Variants in SH3KBP1 observed in about 807,000 individuals in gnomAD.
SH3KBP1 encodes SH3 domain-containing kinase-binding protein 1.
In SH3KBP1, 8 loss-of-function variants were observed where a neutral mutation model predicts 50.1. The observed-to-expected ratio is 0.16, with a 90% CI of 0.09 to 0.29. The LOEUF is 0.29. Ranked by LOEUF, SH3KBP1 falls within the 10% of genes least tolerant of loss-of-function variation. The probability of loss-of-function intolerance (pLI) is 1.00; values close to 1 mark genes in which losing one functional copy is unlikely to be tolerated. For synonymous variants in SH3KBP1, 227 were observed against 218.6 expected, an observed-to-expected ratio of 1.04 and a Z score of -0.34; for missense variants, 377 against 535.2, an observed-to-expected ratio of 0.70 and a Z score of 2.92.
chrX:19,648,218 A>G (rs1464393702), intron 6 of SH3KBP1, among the ~76,000 whole-genome samples: 1 of 109,176 alleles, frequency 9.2e-6, no homozygotes, highest in Admixed American at 9.9e-5. Context: ...GGGGGAGGAT[A>G]GTTGGCCACT....
rs1271812442 is a variant in SH3KBP1, at chrX:19,779,682, GT to G, written c.163-33242del. ...TATGAGTGAGAATATGCAGTGTTTG[GT>G]TTTTTGTTCTTACAATAGTTGACTG... On this transcript the variant is annotated intron_variant, in intron 2 of 17. Coordinates refer to ENST00000397821, the MANE Select transcript of SH3KBP1 (RefSeq NM_031892.3). 2.9e-5 allele frequency among the ~76,000 whole-genome samples: 3 copies of G among 103,937 alleles called. No homozygotes were observed. In the East Asian group the frequency reaches 9.4e-4, roughly 32 times the overall value. The allele number at this position is 103,937 out of a possible 115,157, so 90.3% of individuals were successfully genotyped here. A position where few individuals can be genotyped will look rare whatever the true frequency, so the allele number is the denominator to read the frequency against.
intron 2 of SH3KBP1, among the ~76,000 whole-genome samples, chrX:19,816,511 T>C (rs775979534): frequency 2.7e-5 from 3 of 112,192 alleles, no homozygotes; most frequent in African/African-American, 3.2e-5. Flanking sequence ...CTTTTTTTAT[T>C]TAATAGATTG....
At chrX:19,538,815 C>G (rs1297745491) in intron 16 of SH3KBP1, among the ~76,000 whole-genome samples, 2 of 110,884 alleles carry the variant, frequency 1.8e-5, no homozygotes, top group Admixed American at 9.6e-5. Context: ...CCGAACCCCT[C>G]ACCTCAGGTG....
chrX:19,663,960 C>T (rs1399567258), intron 6 of SH3KBP1, among the ~76,000 whole-genome samples: 2 of 112,011 alleles, frequency 1.8e-5, no homozygotes, highest in African/African-American at 6.5e-5. Flanking sequence ...GTGGTGCACA[C>T]ACACCTGTAG....
At chrX:19,611,194 T>C (rs1205325781) in intron 8 of SH3KBP1, among the ~76,000 whole-genome samples, 2 of 111,133 alleles carry the variant, frequency 1.8e-5, no homozygotes, top group Non-Finnish European at 3.8e-5. Flanking sequence ...GCTCAAACTT[T>C]CTAAACAGTG....
At chrX:19,556,441 T>A (rs189871034) in intron 13 of SH3KBP1, among the ~76,000 whole-genome samples, 59 of 110,842 alleles carry the variant, frequency 5.3e-4, no homozygotes, top group Non-Finnish European at 8.9e-4. Flanking sequence ...GTGTGGAAAA[T>A]CTGTGCAGAC....
intron 1 of SH3KBP1, among the ~76,000 whole-genome samples, chrX:19,868,450 C>G (rs1432220527): frequency 1.8e-5 from 2 of 110,023 alleles, no homozygotes; most frequent in East Asian, 5.9e-4. Context: ...AAAGTCCTCT[C>G]TTCAGCAAAT....
intron 9 of SH3KBP1, among the ~76,000 whole-genome samples, chrX:19,598,875 A>G (rs1172462871): frequency 8.9e-6 from 1 of 112,170 alleles, no homozygotes; most frequent in Non-Finnish European, 1.9e-5. Context: ...AAAAGTTTGA[A>G]ATGTTGTGAG....
intron 6 of SH3KBP1, among the ~76,000 whole-genome samples, chrX:19,676,957 T>C (rs1034317027): frequency 1.5e-4 from 17 of 112,297 alleles, no homozygotes; most frequent in Admixed American, 1.9e-4. Flanking sequence ...AGGAAGACCA[T>C]GGGAAAGAAG....
At chrX:19,787,289 A>G (rs1322636260) in intron 2 of SH3KBP1, among the ~76,000 whole-genome samples, 2 of 111,947 alleles carry the variant, frequency 1.8e-5, no homozygotes, top group Non-Finnish European at 3.8e-5. Context: ...GCTATTGCCT[A>G]TTCTATTTCG....
At chrX:19,666,708 C>T (rs1809840840) in intron 6 of SH3KBP1, among the ~76,000 whole-genome samples, 1 of 111,700 alleles carries the variant, frequency 9.0e-6, no homozygotes, top group Non-Finnish European at 1.9e-5. Flanking sequence ...CAAGTGAGGA[C>T]ATGGAGAAAT....
rs190742817 is a variant in SH3KBP1, at chrX:19,604,120, C to T, written c.1005+3818G>A. Among the ~76,000 whole-genome samples the T allele has an allele frequency of 2.9e-3, 330 of 111,924 alleles. 3 individuals are homozygous for T. Among genetic ancestry groups the T allele is most frequent in the African/African-American group, 1.0e-2 (307 of 30,842 alleles). On this transcript the variant is annotated intron_variant, in intron 9 of 17. Coordinates refer to ENST00000397821, the MANE Select transcript of SH3KBP1 (RefSeq NM_031892.3). ...AGCCTTCTGTAACAATGACACAGCACACACACTGCTTCATTAGAGTTCTCA... is the reference window on the plus strand; with the variant it reads ...AGCCTTCTGTAACAATGACACAGCATACACACTGCTTCATTAGAGTTCTCA...
intron 4 of SH3KBP1, among the ~76,000 whole-genome samples, chrX:19,700,274 T>C (rs1442333440): frequency 1.8e-5 from 2 of 112,309 alleles, no homozygotes; most frequent in Non-Finnish European, 3.8e-5. Flanking sequence ...ATTGTAATAC[T>C]GTTCCTTTCT....
chrX:19,556,522 G>C (rs1042125266), intron 13 of SH3KBP1, among the ~76,000 whole-genome samples: 2 of 111,567 alleles, frequency 1.8e-5, no homozygotes, highest in Non-Finnish European at 3.8e-5. Context: ...TAACTGAAAT[G>C]ATTAGCAATG....
At position 19,695,612 on chromosome X, in the gene SH3KBP1, T is replaced by C. The variant is rs1197198616; in HGVS notation, c.520A>G (p.Ser174Gly). 1.7e-6 allele frequency: 2 copies of C among 1,209,600 alleles called. No individual in the cohort carries two copies. The highest frequency in any genetic ancestry group is 4.4e-5 in the Admixed American group (2 of 45,802). ...ISQDEQLSKS[S>G]LRETTGSESD... is the part of the protein sequence containing the mutation. ...TGCTTGGTAGGGTAGACTTCCTTAC[T>C]TGACTTGGATAGCTGCTCATCCTGG... Residue 174 changes from serine to glycine, a missense_variant and splice_region_variant, in exon 5 of 18, where the codon AGT becomes GGT. By Grantham distance (56) the Ser-to-Gly change is moderately conservative (BLOSUM62 0). Around this residue, in one of 3 missense-constraint regions of SH3KBP1, gnomAD observed 257 missense variants for 374.2 expected, o/e 0.69. Coordinates refer to ENST00000397821, the MANE Select transcript of SH3KBP1 (RefSeq NM_031892.3).
At chrX:19,807,422 G>A (rs957383166) in intron 2 of SH3KBP1, among the ~76,000 whole-genome samples, 8 of 111,097 alleles carry the variant, frequency 7.2e-5, no homozygotes, top group African/African-American at 2.6e-4. Flanking sequence ...ACGCCTCTGG[G>A]CAATTATGCT....
intron 7 of SH3KBP1, among the ~76,000 whole-genome samples, chrX:19,643,161 A>G (rs1676495178): frequency 9.1e-6 from 1 of 109,530 alleles, no homozygotes; most frequent in African/African-American, 3.3e-5. Flanking sequence ...CGAAGCAGGG[A>G]AATGGTCCAA....
chrX:19,787,955 T>A (rs1049701938), intron 2 of SH3KBP1, among the ~76,000 whole-genome samples: 3 of 111,414 alleles, frequency 2.7e-5, no homozygotes, highest in African/African-American at 9.8e-5. Flanking sequence ...ATTGGTGTTA[T>A]GAGTTGAATT....
At chrX:19,852,617 C>A in intron 1 of SH3KBP1, among the ~76,000 whole-genome samples, 1 of 94,082 alleles carries the variant, frequency 1.1e-5, no homozygotes. Flanking sequence ...ACATATGTTC[C>A]AGATACTGTA....
Sources: gnomAD v4.1 joint callset for allele counts (sites outside exome capture counted in the v4.1 genomes callset) on GRCh38, gnomAD v4.1.1 for gene constraint, gnomAD v4.1.1 regional missense constraint, MANE v1.5 for transcripts, NCBI Gene and HGNC (gene_info 2026-07-23, HGNC 2026-07-21) for gene names.